The following CCDC180 variants were observed in gnomAD, a reference collection of about 807,000 sequenced individuals.
CCDC180 encodes coiled-coil domain-containing protein 180.
A neutral mutation model predicts 209.2 loss-of-function variants in CCDC180; 154 were observed. The observed-to-expected ratio is 0.74, with a 90% CI of 0.65 to 0.84. The LOEUF (loss-of-function observed/expected upper bound fraction) is 0.84, where lower values mean the gene tolerates loss of function less well. Among genes scored for constraint, CCDC180 ranks in the 40% least tolerant of loss-of-function variants. CCDC180 has a pLI of 0.00. For missense variants in CCDC180, 1,874 were observed against 1,997.3 expected, an observed-to-expected ratio of 0.94 and a Z score of 1.18; for synonymous variants, 778 against 749.1, an observed-to-expected ratio of 1.04 and a Z score of -0.63.
chr9:97,360,457 G>A (rs1471881816), intron 26 of CCDC180, among the ~76,000 whole-genome samples: 1 of 152,020 alleles, frequency 6.6e-6, no homozygotes, highest in Non-Finnish European at 1.5e-5. Flanking sequence ...TTCTCCCCAT[G>A]GCACCCCCAA....
chr9:97,328,027 T>C lies in CCDC180; in HGVS notation c.1669T>C (p.Cys557Arg), dbSNP rs1303191679. 3 of 1,613,556 alleles carry C rather than the reference T, an allele frequency of 1.9e-6. No individual in the cohort carries two copies. The highest frequency in any genetic ancestry group is 1.3e-5 in the African/African-American group (1 of 74,898). ...TACCTACCTACCTCCCAGGTATGAA[T>C]GTTTTCACACCCTCCTGACAAAGGA... The part of the protein sequence containing the change: ...YLKNMKSRYE[C>R]FHTLLTKEVM... Residue 557 changes from cysteine to arginine, a missense_variant, in exon 16 of 37, where the codon TGT (cysteine) becomes CGT (arginine). Physicochemically the swap from Cys to Arg is radical, Grantham distance 180 (BLOSUM62 -3). Transcript: ENST00000529487.
rs747084324 is a variant in CCDC180 at position 97,349,182 on chromosome 9, C to T, written c.2746C>T (p.Arg916Trp). 1.5e-5 allele frequency: 23 copies of T among 1,536,258 alleles called. No homozygotes were observed. In the African/African-American group the frequency reaches 2.2e-4, roughly 15 times the overall value. Reference sequence around the variant, plus strand: ...GGTGACCGAGACGCTGAAGAAGAAGCGGCTGATGTTCTGCCAGTTCCAAGA... The same window carrying T: ...GGTGACCGAGACGCTGAAGAAGAAGTGGCTGATGTTCTGCCAGTTCCAAGA... ...AGVTETLKKK[R>W]LMFCQFQEEQ... Residue 916 changes from arginine to tryptophan, a missense_variant, in exon 21 of 37, where the codon CGG becomes TGG. Arg to Trp is a moderately radical substitution (Grantham distance 101). Transcript: ENST00000529487.
intron 11 of CCDC180, among the ~76,000 whole-genome samples, chr9:97,321,535 T>C (rs1315449807): frequency 6.6e-6 from 1 of 152,212 alleles, no homozygotes; most frequent in African/African-American, 2.4e-5. Context: ...TCTAGGGCTC[T>C]CAGGTTTATA....
intron 22 of CCDC180, among the ~76,000 whole-genome samples, chr9:97,352,200 G>A (rs1826440373): frequency 6.6e-6 from 1 of 152,224 alleles, no homozygotes; most frequent in African/African-American, 2.4e-5. Context: ...ACATGCAAGT[G>A]TGTAGGTGTC....
At chr9:97,365,002 T>C (rs560867373) in intron 29 of CCDC180, among the ~76,000 whole-genome samples, 6 of 152,192 alleles carry the variant, frequency 3.9e-5, no homozygotes, top group Non-Finnish European at 7.3e-5. Flanking sequence ...GATGAGTTTA[T>C]TTGAACAGTC....
intron 18 of CCDC180, among the ~76,000 whole-genome samples, chr9:97,339,402 C>T (rs894657688): frequency 1.3e-5 from 2 of 152,150 alleles, no homozygotes; most frequent in South Asian, 4.1e-4. Flanking sequence ...GATTTTATTT[C>T]TCCTTCACTT....
In CCDC180 at chr9:97,366,206, C is replaced by A. The variant is rs1346801545; in HGVS notation, c.4048-353C>A. On this transcript the variant is annotated intron_variant, in intron 30 of 36. Coordinates refer to ENST00000529487, the MANE Select transcript of CCDC180 (RefSeq NM_020893.6). This position sits in a 1 kb window ranked among gnomAD's most constrained non-coding sequence, Gnocchi z 4.3. The stretch of plus-strand genomic sequence containing the variant: ...CCTTCAGGGCAGGGTCCCTGGCTCG[C>A]CCGTCTTTGTGGCCTGCAGCCTATA... Among the ~76,000 whole-genome samples the A allele has an allele frequency of 2.0e-5, 3 of 152,256 alleles. No individual in the cohort carries two copies. The highest frequency in any genetic ancestry group is 7.2e-5 in the African/African-American group (3 of 41,472).
At chr9:97,323,328 G>A (rs916457536) in intron 12 of CCDC180, among the ~76,000 whole-genome samples, 5 of 152,088 alleles carry the variant, frequency 3.3e-5, no homozygotes, top group Admixed American at 2.0e-4. Flanking sequence ...TGTCCTGGGG[G>A]TTATTGCAAT....
intron 18 of CCDC180, among the ~76,000 whole-genome samples, chr9:97,332,016 T>A (rs556966789): frequency 6.6e-6 from 1 of 152,148 alleles, no homozygotes; most frequent in Non-Finnish European, 1.5e-5. Context: ...TCTTCCAGGG[T>A]TTTTATAGTT....
rs550018078 is a variant in CCDC180, at chr9:97,352,534, T to C, written c.3002+1979T>C. The stretch of plus-strand genomic sequence containing the variant: ...TAGACAGGTGAACTTTAGAGAAAGC[T>C]CTTCCCTGCATTTGCTGCTCCCCAG... On this transcript the variant is annotated intron_variant, in intron 22 of 36. Coordinates refer to ENST00000529487, the MANE Select transcript of CCDC180 (RefSeq NM_020893.6). 2.0e-4 allele frequency among the ~76,000 whole-genome samples: 31 copies of C among 152,314 alleles called. 1 individual carries two copies. The South Asian group carries it at 4.8e-3, about 23-fold the overall frequency.
chr9:97,362,498 C>T (rs1236416974), intron 28 of CCDC180, 57 bp downstream of exon 28: 2 of 1,580,078 alleles, frequency 1.3e-6, no homozygotes, highest in African/African-American at 1.3e-5. Flanking sequence ...CACACAAAGG[C>T]AGGAGATGAC....
intron 11 of CCDC180, 104 bp from the exon 12 acceptor site, chr9:97,322,729 T>TA: frequency 7.5e-6 from 7 of 938,378 alleles, no homozygotes; most frequent in Non-Finnish European, 8.5e-6. Flanking sequence ...TTCACCTAAA[T>TA]AAATGTTGCT....
chr9:97,325,026 T>A lies in CCDC180; in HGVS notation c.1379T>A (p.Phe460Tyr). 6.2e-7 allele frequency: 1 copy of A among 1,613,540 alleles called. No individual in the cohort carries two copies. The change falls in exon 14 of 37, where the codon TTC (phenylalanine) becomes TAC (tyrosine). Residue 460 changes from phenylalanine (F) to tyrosine (Y), a missense_variant. By Grantham distance (22) the Phe-to-Tyr change is conservative (BLOSUM62 3). Coordinates refer to ENST00000529487, the MANE Select transcript of CCDC180 (RefSeq NM_020893.6). ...TGGGCTCTGCCACTGCAGAAATCCT[T>A]CGAGACTCTGGCAGATCAGACAGAG... ...EEDLELLDKS[F>Y]ETLADQTEWQ...
At chr9:97,342,963 T>G (rs1221949518) in intron 18 of CCDC180, among the ~76,000 whole-genome samples, 3 of 152,230 alleles carry the variant, frequency 2.0e-5, no homozygotes, top group Non-Finnish European at 4.4e-5. Flanking sequence ...AGACTTCTTT[T>G]TGAGCAGGAA....
At chr9:97,339,107 T>C (rs903446197) in intron 18 of CCDC180, among the ~76,000 whole-genome samples, 1 of 152,236 alleles carries the variant, frequency 6.6e-6, no homozygotes, top group Admixed American at 6.5e-5. Flanking sequence ...CTTGACTCTT[T>C]ATTCAATTTG....
chr9:97,317,239 C>T lies in CCDC180; in HGVS notation c.959+11C>T, dbSNP rs755796560. ...GCTGCAGAGTTTCAGGTCAGTGCCG[C>T]CCACACAGCTCCTTCTCCAGCCCAC... On this transcript the variant is annotated intron_variant, in intron 9 of 36. Transcript: ENST00000529487. 6.4e-7 allele frequency: 1 copy of T among 1,556,456 alleles called. No individual in the cohort carries two copies. The highest frequency in any genetic ancestry group is 8.8e-7 in the Non-Finnish European group (1 of 1,141,662).
intron 19 of CCDC180, among the ~76,000 whole-genome samples, chr9:97,344,360 A>G (rs903222412): frequency 2.0e-5 from 3 of 152,158 alleles, no homozygotes; most frequent in Non-Finnish European, 4.4e-5. Context: ...TCTTTCTCCT[A>G]CACCTGAGCA....
In CCDC180 at chr9:97,376,842, G is replaced by A. The variant is rs1445202571; in HGVS notation, c.4922G>A (p.Trp1641Ter). Residue 1641 changes from tryptophan (W) to a stop codon, truncating the protein, a stop_gained, in exon 37 of 37, where the codon TGG (tryptophan) becomes TAG (stop). Transcript: ENST00000529487. LOFTEE classifies it high-confidence loss of function. ...CTSQIKEAQR[W>*]KDSWKQSLHT... ...TCTCAGATAAAGGAGGCTCAGCGCT[G>A]GAAGGACAGCTGGAAGCAGTCCCTG... 2 of 1,613,280 alleles carry A rather than the reference G, an allele frequency of 1.2e-6. No homozygotes were observed. Among genetic ancestry groups the A allele is most frequent in the Non-Finnish European group, 1.7e-6 (2 of 1,179,942 alleles).
rs1370734268 is a variant in CCDC180, at chr9:97,309,623, G to C, written c.260+19G>C. ...TCCACAGGTAGGTCCTGTTGTCCAT[G>C]CCTCACCCCCATGCACTAGGGTACC... On this transcript the variant is annotated intron_variant, in intron 3 of 36. Transcript: ENST00000529487. 3.3e-6 allele frequency: 5 copies of C among 1,522,694 alleles called. No homozygotes were observed. Among genetic ancestry groups the C allele is most frequent in the Non-Finnish European group, 4.4e-6 (5 of 1,140,258 alleles). 94.3% of individuals were successfully genotyped at this position (1,522,694 alleles called of 1,614,324 possible). A position where few individuals can be genotyped will look rare whatever the true frequency, so the allele number is the denominator to read the frequency against.
Sources: allele counts gnomAD v4.1 joint callset (sites outside exome capture counted in the v4.1 genomes callset), GRCh38; gene constraint gnomAD v4.1.1; non-coding constraint Gnocchi (gnomAD v3.1); transcripts MANE v1.5; gene names NCBI Gene and HGNC (gene_info 2026-07-23, HGNC 2026-07-21).